NLGN4Y: variants seen among roughly 807,000 people sequenced by gnomAD.
NLGN4Y encodes neuroligin-4, Y-linked.
A neutral mutation model predicts 8.4 loss-of-function variants in NLGN4Y; 4 were observed. The observed-to-expected ratio is 0.48, with a 90% CI of 0.23 to 1.09. The LOEUF is 1.09. Ranked by LOEUF, NLGN4Y falls within the 50% of genes least tolerant of loss-of-function variation. NLGN4Y has a pLI of 0.19. For synonymous variants in NLGN4Y, 35 were observed against 75.6 expected (o/e 0.46, Z 2.78); for missense variants, 90 against 192.3 (o/e 0.47, Z 3.15).
At chrY:14,758,483 C>T in intron 4 of NLGN4Y, among the ~76,000 whole-genome samples, 1 of 33,679 alleles carries the variant, frequency 3.0e-5, no homozygotes, top group East Asian at 7.9e-4. Flanking sequence ...GGAGTGACTA[C>T]GGTTTGAGAA....
chrY:14,624,126 C>A (rs2080520424), intron 2 of NLGN4Y, among the ~76,000 whole-genome samples: 1 of 33,526 alleles, frequency 3.0e-5, no homozygotes, highest in African/African-American at 1.2e-4. Flanking sequence ...CTATTCAAAC[C>A]AAAAGTAAAA....
intron 4 of NLGN4Y, among the ~76,000 whole-genome samples, chrY:14,765,088 G>C (rs2081090240): frequency 3.0e-5 from 1 of 33,602 alleles, no homozygotes; most frequent in Non-Finnish European, 7.4e-5. Context: ...TTGGCTATAA[G>C]TCTCCTCTCT....
chrY:14,824,763 G>A, intron 5 of NLGN4Y, among the ~76,000 whole-genome samples: 2 of 33,518 alleles, frequency 6.0e-5, no homozygotes. Context: ...TCCTCCCTTG[G>A]CCTCTCAAAC....
intron 4 of NLGN4Y, among the ~76,000 whole-genome samples, chrY:14,724,062 G>A (rs2080947468): frequency 8.9e-5 from 3 of 33,563 alleles, no homozygotes; most frequent in African/African-American, 3.5e-4. Context: ...TTAAAATGAT[G>A]TAGAAAATAA....
chrY:14,791,883 C>T, intron 4 of NLGN4Y, among the ~76,000 whole-genome samples: 1 of 33,318 alleles, frequency 3.0e-5, no homozygotes, highest in African/African-American at 1.2e-4. Flanking sequence ...ATTTGAGTGT[C>T]TCGGTCCTGT....
At chrY:14,796,071 C>A in intron 4 of NLGN4Y, among the ~76,000 whole-genome samples, 1 of 32,648 alleles carries the variant, frequency 3.1e-5, no homozygotes, top group African/African-American at 1.2e-4. Context: ...CATATTAGAT[C>A]CATAGGGTGA....
At chrY:14,543,443 A>G (rs760749131) in intron 1 of NLGN4Y, among the ~76,000 whole-genome samples, 2 of 33,498 alleles carry the variant, frequency 6.0e-5, no homozygotes, top group East Asian at 1.6e-3. Flanking sequence ...CGGAAAATTT[A>G]GCTGTCAAGT....
intron 6 of NLGN4Y, among the ~76,000 whole-genome samples, chrY:14,836,439 C>G: frequency 1.3e-4 from 4 of 31,027 alleles, no homozygotes; most frequent in Non-Finnish European, 3.1e-4. Context: ...ATTTTGAGCT[C>G]TATGTGGAAA....
At chrY:14,600,545 C>A in intron 1 of NLGN4Y, among the ~76,000 whole-genome samples, 1 of 31,869 alleles carries the variant, frequency 3.1e-5, no homozygotes, top group Non-Finnish European at 7.6e-5. Flanking sequence ...AAGTTAAGTA[C>A]AAACTTTCAT....
At chrY:14,599,712 GAC>G (rs2080419991) in intron 1 of NLGN4Y, among the ~76,000 whole-genome samples, 4 of 32,954 alleles carry the variant, frequency 1.2e-4, no homozygotes, top group African/African-American at 4.8e-4. Flanking sequence ...CTACCTCCCA[GAC>G]ACATAATACA....
chrY:14,652,960 CACAA>C (rs2080634273), intron 2 of NLGN4Y, among the ~76,000 whole-genome samples: 5 of 32,777 alleles, frequency 1.5e-4, no homozygotes, highest in African/African-American at 5.9e-4. Flanking sequence ...CACACCCACA[CACAA>C]ACAAATACAT....
chrY:14,741,508 T>A, intron 4 of NLGN4Y, among the ~76,000 whole-genome samples: 1 of 33,924 alleles, frequency 2.9e-5, no homozygotes, highest in Non-Finnish European at 7.3e-5. Context: ...TTGTGCAGAT[T>A]TTTCAGTAGA....
At chrY:14,786,930 T>G (rs2042969578) in intron 4 of NLGN4Y, among the ~76,000 whole-genome samples, 1 of 31,783 alleles carries the variant, frequency 3.1e-5, no homozygotes, top group African/African-American at 1.2e-4. Flanking sequence ...CTGCTCCTCC[T>G]CCTCTTCCTC....
chrY:14,586,786 C>G, intron 1 of NLGN4Y, among the ~76,000 whole-genome samples: 1 of 32,654 alleles, frequency 3.1e-5, no homozygotes, highest in Non-Finnish European at 7.5e-5. Flanking sequence ...CGAGATCACA[C>G]CACTGCATTC....
intron 1 of NLGN4Y, among the ~76,000 whole-genome samples, chrY:14,572,941 T>G: frequency 3.0e-5 from 1 of 33,627 alleles, no homozygotes; most frequent in Non-Finnish European, 7.4e-5. Context: ...ATCCCAGGGA[T>G]GAAGCCCACT....
At chrY:14,781,628 G>C (rs982295480) in intron 4 of NLGN4Y, among the ~76,000 whole-genome samples, 17 of 33,463 alleles carry the variant, frequency 5.1e-4, no homozygotes, top group African/African-American at 1.4e-3. Flanking sequence ...TGAAAAGCAT[G>C]TATCATGCCT....
At chrY:14,574,195 G>A in intron 1 of NLGN4Y, among the ~76,000 whole-genome samples, 2 of 32,933 alleles carry the variant, frequency 6.1e-5, no homozygotes, top group Non-Finnish European at 1.5e-4. Context: ...TGACAGTGGG[G>A]TGTTAAACTC....
chrY:14,635,809 C>A, intron 2 of NLGN4Y, among the ~76,000 whole-genome samples: 1 of 31,184 alleles, frequency 3.2e-5, no homozygotes, highest in Non-Finnish European at 7.6e-5. Context: ...CCCAGCTGGT[C>A]TCGAACTCCT....
intron 2 of NLGN4Y, among the ~76,000 whole-genome samples, chrY:14,644,905 C>T: frequency 3.0e-5 from 1 of 33,047 alleles, no homozygotes; most frequent in African/African-American, 1.2e-4. Context: ...TGTTCTGACA[C>T]CTGATGTAAA....
Sources: allele counts gnomAD v4.1 joint callset (sites outside exome capture counted in the v4.1 genomes callset), GRCh38; gene constraint gnomAD v4.1.1; transcripts MANE v1.5; gene names NCBI Gene and HGNC (gene_info 2026-07-23, HGNC 2026-07-21).